C12orf42: variants seen among roughly 807,000 people sequenced by gnomAD.
C12orf42 encodes the protein uncharacterized protein C12orf42.
A neutral mutation model predicts 21.6 loss-of-function variants in C12orf42; 25 were observed. That is an observed-to-expected ratio of 1.16 (90% CI 0.84 to 1.62). The LOEUF is 1.62. Ranked by LOEUF, C12orf42 falls within the 40% of genes most tolerant of loss-of-function variation. The probability of loss-of-function intolerance (pLI) is 0.00; values close to 1 mark genes in which losing one functional copy is unlikely to be tolerated. For missense variants in C12orf42, 483 were observed against 459.3 expected, an observed-to-expected ratio of 1.05 and a Z score of -0.47; for synonymous variants, 174 against 175.0, an observed-to-expected ratio of 0.99 and a Z score of 0.05.
chr12:103,249,408 C>G (rs1168444725), intron 10 of C12orf42, among the ~76,000 whole-genome samples: 2 of 151,884 alleles, frequency 1.3e-5, no homozygotes, highest in Non-Finnish European at 2.9e-5. Flanking sequence ...TCAAAGACAG[C>G]AAAAGATGAT....
At chr12:103,146,560 A>AAAAGAAAGAAAGAAAGAAAGAAAGAAAG in the C12orf42 span, among the ~76,000 whole-genome samples, 1 of 119,958 alleles carries the variant, frequency 8.3e-6, no homozygotes, top group Admixed American at 9.1e-5. Flanking sequence ...ATAAAGAAAG[A>AAAAGAAAGAAAGAAAGAAAGAAAGAAAG]AAAGAAAGAA....
At chr12:103,087,498 C>T in the C12orf42 span, among the ~76,000 whole-genome samples, 1 of 152,138 alleles carries the variant, frequency 6.6e-6, no homozygotes, top group Admixed American at 6.5e-5. Context: ...AATTTGAATA[C>T]TTAATCATTG....
chr12:103,246,585 TA>T (rs780315691), intron 10 of C12orf42, among the ~76,000 whole-genome samples: 2 of 152,036 alleles, frequency 1.3e-5, no homozygotes, highest in Non-Finnish European at 2.9e-5. Flanking sequence ...CCTTGGAACC[TA>T]AACATTCCAA....
intron 4 of C12orf42, among the ~76,000 whole-genome samples, chr12:103,320,899 A>C (rs1019469227): frequency 6.6e-6 from 1 of 152,174 alleles, no homozygotes; most frequent in African/African-American, 2.4e-5. Flanking sequence ...CCTTTTTTAA[A>C]AAAAAATAGT....
the C12orf42 span, among the ~76,000 whole-genome samples, chr12:103,550,975 C>T: frequency 6.6e-6 from 1 of 151,780 alleles, no homozygotes. Flanking sequence ...CTTAGAAATC[C>T]AATGTCTAGA....
At chr12:103,506,558 C>CAGTAT in the C12orf42 span, among the ~76,000 whole-genome samples, 1 of 151,312 alleles carries the variant, frequency 6.6e-6, no homozygotes, top group African/African-American at 2.4e-5. Context: ...CTATAGTATT[C>CAGTAT]AGTATAGTAA....
chr12:103,512,159 T>C, the C12orf42 span, among the ~76,000 whole-genome samples: 5 of 152,326 alleles, frequency 3.3e-5, no homozygotes, highest in South Asian at 6.2e-4. Context: ...TCCAGTGATA[T>C]CTTGGTTCCC....
At chr12:103,255,042 T>C (rs1442031806) in intron 10 of C12orf42, among the ~76,000 whole-genome samples, 1 of 152,214 alleles carries the variant, frequency 6.6e-6, no homozygotes, top group East Asian at 1.9e-4. Context: ...TATTATCGTA[T>C]TGTCAAGCTT....
intron 6 of C12orf42, among the ~76,000 whole-genome samples, chr12:103,269,460 G>T (rs76336296): frequency 0.033 from 5,056 of 152,210 alleles, 265 homozygotes; most frequent in African/African-American, 0.11. Context: ...CAACAGTCAT[G>T]ATCATAATAA....
chr12:103,129,694 C>T, the C12orf42 span, among the ~76,000 whole-genome samples: 13 of 152,194 alleles, frequency 8.5e-5, no homozygotes, highest in Non-Finnish European at 1.6e-4. Flanking sequence ...TCTATTCACA[C>T]TTTCCCAGAT....
chr12:103,169,002 G>T, the C12orf42 span, among the ~76,000 whole-genome samples: 2 of 151,938 alleles, frequency 1.3e-5, no homozygotes, highest in African/African-American at 4.8e-5. Context: ...ACACACTGGA[G>T]CCTGTTGGGG....
intron 4 of C12orf42, among the ~76,000 whole-genome samples, chr12:103,353,021 A>C (rs982904864): frequency 4.9e-4 from 75 of 152,120 alleles, no homozygotes; most frequent in Admixed American, 4.6e-3. Context: ...CCAAGGCCCT[A>C]ATCACCATGT....
the C12orf42 span, among the ~76,000 whole-genome samples, chr12:103,169,590 C>G: frequency 0.013 from 1,925 of 152,218 alleles, 18 homozygotes; most frequent in Non-Finnish European, 0.021. Context: ...AGTGTCAGTG[C>G]TCTTAAACAC....
intron 3 of C12orf42, among the ~76,000 whole-genome samples, chr12:103,390,188 C>T (rs1268439088): frequency 6.6e-6 from 1 of 152,146 alleles, no homozygotes; most frequent in Non-Finnish European, 1.5e-5. Flanking sequence ...GTTGCATCCC[C>T]AGTATCTGGC....
At chr12:103,114,985 T>C in the C12orf42 span, among the ~76,000 whole-genome samples, 2 of 152,238 alleles carry the variant, frequency 1.3e-5, no homozygotes, top group Non-Finnish European at 2.9e-5. Flanking sequence ...TGTGTCTCAA[T>C]GTACTTGGTC....
chr12:103,182,256 T>C, the C12orf42 span, among the ~76,000 whole-genome samples: 1 of 152,190 alleles, frequency 6.6e-6, no homozygotes, highest in Non-Finnish European at 1.5e-5. Flanking sequence ...TTAAATAAAA[T>C]ATATACCAGA....
Position 103,422,908 on chromosome 12 carries a change from G to C in C12orf42, c.79-21233C>G, listed in dbSNP as rs374758505. Reference sequence around the variant, plus strand: ...CTCTCAAAATAGGCCCGATTATGTGGGTCACTGCATACTGTGTATTTTCCC... The same window carrying C: ...CTCTCAAAATAGGCCCGATTATGTGCGTCACTGCATACTGTGTATTTTCCC... On this transcript the variant is annotated intron_variant, in intron 2 of 5. Coordinates refer to ENST00000548883, the MANE Select transcript of C12orf42 (RefSeq NM_198521.5). 6.6e-5 allele frequency among the ~76,000 whole-genome samples: 10 copies of C among 151,682 alleles called. No homozygotes were observed. In the South Asian group the frequency reaches 1.3e-3, roughly 19 times the overall value.
chr12:103,532,400 T>G, the C12orf42 span, among the ~76,000 whole-genome samples: 2,367 of 152,372 alleles, frequency 0.016, 22 homozygotes, highest in Non-Finnish European at 0.022. Context: ...CTTATTTATA[T>G]GCTTTGATTA....
intron 4 of C12orf42, among the ~76,000 whole-genome samples, chr12:103,314,644 G>T (rs995529773): frequency 6.7e-6 from 1 of 149,814 alleles, no homozygotes; most frequent in Non-Finnish European, 1.5e-5. Context: ...GGAAGATTTG[G>T]ATTTGACAGG....
Sources: gnomAD v4.1 joint callset for allele counts (sites outside exome capture counted in the v4.1 genomes callset) on GRCh38, gnomAD v4.1.1 for gene constraint, MANE v1.5 for transcripts, NCBI Gene and HGNC (gene_info 2026-07-23, HGNC 2026-07-21) for gene names.